ARFIP1: variants seen among roughly 807,000 people sequenced by gnomAD.
ARFIP1 encodes arfaptin-1.
ARFIP1 carries 24 observed loss-of-function variants against 42.5 expected under a neutral mutation model. The observed-to-expected ratio is 0.57, with a 90% confidence interval of 0.41 to 0.80. ARFIP1 has a LOEUF of 0.80. ARFIP1 is among the 30% of genes least tolerant of loss of function. The pLI is 0.00. For missense variants in ARFIP1, 354 were observed against 434.0 expected (o/e 0.82, Z 1.64); for synonymous variants, 141 against 153.7 (o/e 0.92, Z 0.61).
chr4:152,904,176 GTGTGTA>G (rs1461843057), intron 8 of ARFIP1, among the ~76,000 whole-genome samples: 3 of 98,996 alleles, frequency 3.0e-5, no homozygotes, highest in African/African-American at 1.1e-4. Flanking sequence ...ATATGTGTGT[GTGTGTA>G]TATATATATA....
intron 8 of ARFIP1, among the ~76,000 whole-genome samples, chr4:152,889,990 A>G (rs968589109): frequency 6.8e-6 from 1 of 147,994 alleles, no homozygotes; most frequent in Admixed American, 6.9e-5. Context: ...ATTTAGTCAT[A>G]TATATAATGG....
intron 1 of ARFIP1, among the ~76,000 whole-genome samples, chr4:152,789,080 C>CTTTT (rs71598215): frequency 4.2e-5 from 3 of 71,858 alleles, no homozygotes; most frequent in Non-Finnish European, 7.9e-5. Flanking sequence ...AGAATACAGA[C>CTTTT]TTTTTTTTTT....
chr4:152,822,995 A>G (rs1730516376), intron 1 of ARFIP1, among the ~76,000 whole-genome samples: 1 of 152,222 alleles, frequency 6.6e-6, no homozygotes, highest in African/African-American at 2.4e-5. Context: ...TCAAGGAACT[A>G]GAGAAACAAG....
intron 2 of ARFIP1, among the ~76,000 whole-genome samples, chr4:152,851,259 A>G (rs78779541): frequency 0.037 from 5,708 of 152,232 alleles, 158 homozygotes; most frequent in South Asian, 0.079. Flanking sequence ...ATACCATGTG[A>G]AAAATGTTGT....
At chr4:152,791,401 A>G (rs1204348132) in intron 1 of ARFIP1, among the ~76,000 whole-genome samples, 1 of 152,208 alleles carries the variant, frequency 6.6e-6, no homozygotes, top group African/African-American at 2.4e-5. Context: ...TAGTTTTAAA[A>G]TGGAGTCATG....
At chr4:152,870,538 G>A (rs1231070764) in intron 3 of ARFIP1, among the ~76,000 whole-genome samples, 3 of 152,154 alleles carry the variant, frequency 2.0e-5, no homozygotes, top group Non-Finnish European at 4.4e-5. Flanking sequence ...ATTCTGTTTA[G>A]TTTTGATAGT....
At chr4:152,800,430 A>C (rs941815119) in intron 1 of ARFIP1, among the ~76,000 whole-genome samples, 2 of 152,226 alleles carry the variant, frequency 1.3e-5, no homozygotes, top group African/African-American at 4.8e-5. Flanking sequence ...ATAGCTTTTA[A>C]GGAGCAGAGC....
chr4:152,909,916 A>G, intron 8 of ARFIP1, 148 bp from the exon 9 acceptor site: 3 of 996,934 alleles, frequency 3.0e-6, no homozygotes, highest in East Asian at 2.5e-5. Context: ...GGCAGTGTAC[A>G]CTTGGTATGT....
chr4:152,886,187 G>A (rs1736245765), intron 7 of ARFIP1, among the ~76,000 whole-genome samples: 1 of 151,914 alleles, frequency 6.6e-6, no homozygotes, highest in Non-Finnish European at 1.5e-5. Flanking sequence ...AGGTTTCCTT[G>A]CTCCTGATTT....
chr4:152,838,267 G>C (rs1731809656), intron 2 of ARFIP1, among the ~76,000 whole-genome samples: 1 of 152,014 alleles, frequency 6.6e-6, no homozygotes, highest in Non-Finnish European at 1.5e-5. Context: ...CTCTTTTTTG[G>C]TTCCATATGA....
At position 152,912,282 on chromosome 4, in the gene ARFIP1, A is replaced by G. The variant is rs1035732476; in HGVS notation, c.*2063A>G. On this transcript the variant is annotated 3_prime_UTR_variant, in exon 9 of 9. Coordinates refer to ENST00000353617, the MANE Select transcript of ARFIP1 (RefSeq NM_001025595.3). ...ATGTAATTTATGTTCATTATAGAAA[A>G]GAATTAGAAGAAAATTTCAAGTAAT... The G allele has an allele frequency of 7.9e-5, 12 of 152,192 alleles. No homozygotes were observed. 9.4% of individuals were successfully genotyped at this position (152,192 alleles called of 1,614,324 possible).
intron 1 of ARFIP1, among the ~76,000 whole-genome samples, chr4:152,827,932 C>T (rs1375753106): frequency 1.3e-5 from 2 of 152,136 alleles, no homozygotes; most frequent in Non-Finnish European, 2.9e-5. Context: ...CCTCAGCCTC[C>T]CAAAATGTTG....
intron 1 of ARFIP1, among the ~76,000 whole-genome samples, chr4:152,827,067 A>G (rs1271398169): frequency 6.6e-6 from 1 of 152,210 alleles, no homozygotes; most frequent in African/African-American, 2.4e-5. Context: ...TCAATTTTAT[A>G]AGATGAAAAA....
chr4:152,836,550 T>C (rs1245702538), intron 2 of ARFIP1, among the ~76,000 whole-genome samples: 1 of 152,190 alleles, frequency 6.6e-6, no homozygotes, highest in Non-Finnish European at 1.5e-5. Context: ...GGTCTGACCT[T>C]GAAGCAATAA....
At chr4:152,896,824 A>G (rs1238509302) in intron 8 of ARFIP1, among the ~76,000 whole-genome samples, 1 of 152,198 alleles carries the variant, frequency 6.6e-6, no homozygotes, top group African/African-American at 2.4e-5. Flanking sequence ...GAGACTTAAA[A>G]TAGACATGTA....
rs951117252 is a variant in ARFIP1 at position 152,789,764 on chromosome 4, A to C, written c.-10+9538A>C. ...AATTGTTTCAGCTGTGGCCACTGGG[A>C]GCTCTTTTAGTTGGTTCCTGTATTC... is the stretch of plus-strand genomic sequence containing the variant. On this transcript the variant is annotated intron_variant, in intron 1 of 8. Coordinates refer to ENST00000353617, the MANE Select transcript of ARFIP1 (RefSeq NM_001025595.3). 3.3e-5 allele frequency among the ~76,000 whole-genome samples: 5 copies of C among 152,148 alleles called. No homozygotes were observed. The East Asian group carries it at 7.7e-4, about 23-fold the overall frequency.
chr4:152,814,561 A>T (rs1729723632), intron 1 of ARFIP1, among the ~76,000 whole-genome samples: 1 of 152,148 alleles, frequency 6.6e-6, no homozygotes, highest in Non-Finnish European at 1.5e-5. Context: ...AAATTAAAAA[A>T]CAAAAAATTA....
At chr4:152,787,526 A>C (rs113574568) in intron 1 of ARFIP1, among the ~76,000 whole-genome samples, 187 of 152,384 alleles carry the variant, frequency 1.2e-3, no homozygotes, top group African/African-American at 4.3e-3. Context: ...ATACAATGCC[A>C]TGTGTATGTG....
At chr4:152,846,632 A>G (rs997327158) in intron 2 of ARFIP1, among the ~76,000 whole-genome samples, 1 of 152,058 alleles carries the variant, frequency 6.6e-6, no homozygotes, top group Non-Finnish European at 1.5e-5. Context: ...TCATTTTTCT[A>G]TTTTAATAGA....
Sources: gnomAD v4.1 joint callset for allele counts (sites outside exome capture counted in the v4.1 genomes callset) on GRCh38, gnomAD v4.1.1 for gene constraint, MANE v1.5 for transcripts, NCBI Gene and HGNC (gene_info 2026-07-23, HGNC 2026-07-21) for gene names.